The following EYS variants were observed in gnomAD, a reference collection of about 807,000 sequenced individuals.
EYS encodes the protein EGF-like photoreceptor maintenance factor.
A neutral mutation model predicts 282.1 loss-of-function variants in EYS; 250 were observed. The ratio of observed to expected loss-of-function variants is 0.89; its 90% confidence interval spans 0.80 to 0.98. The LOEUF (loss-of-function observed/expected upper bound fraction) is 0.98. EYS is among the 50% of genes least tolerant of loss of function. The probability of loss-of-function intolerance (pLI) is 0.00; values close to 1 mark genes in which losing one functional copy is unlikely to be tolerated. For missense variants in EYS, 4,016 were observed against 3,709.0 expected, an observed-to-expected ratio of 1.08 and a Z score of -2.15; for synonymous variants, 1,355 against 1,282.9, an observed-to-expected ratio of 1.06 and a Z score of -1.20.
intron 12 of EYS, among the ~76,000 whole-genome samples, chr6:65,202,261 T>A (rs593740): frequency 0.38 from 57,311 of 152,038 alleles, 11,763 homozygotes; most frequent in African/African-American, 0.54. Context: ...AATCGGGTAT[T>A]CTGTATATTG....
intron 4 of EYS, among the ~76,000 whole-genome samples, chr6:65,491,890 T>C (rs1292726638): frequency 6.6e-6 from 1 of 151,688 alleles, no homozygotes; most frequent in African/African-American, 2.4e-5. Flanking sequence ...ACTGGTGTGC[T>C]TTCAAGAGGA....
chr6:64,283,104 G>C (rs187075127), intron 30 of EYS, among the ~76,000 whole-genome samples: 1 of 152,222 alleles, frequency 6.6e-6, no homozygotes, highest in Admixed American at 6.5e-5. Flanking sequence ...CAGTGATAGT[G>C]TTACAGGAAT....
intron 35 of EYS, among the ~76,000 whole-genome samples, chr6:63,932,111 AC>A (rs1369854471): frequency 6.6e-5 from 10 of 152,214 alleles, no homozygotes; most frequent in African/African-American, 2.4e-4. Flanking sequence ...TGCTTATTTC[AC>A]TCAACAAAAT....
At chr6:64,759,682 A>G (rs1304233600) in intron 22 of EYS, among the ~76,000 whole-genome samples, 3 of 152,180 alleles carry the variant, frequency 2.0e-5, no homozygotes, top group African/African-American at 7.2e-5. Flanking sequence ...GGAGGATTTA[A>G]TCATCTAATA....
chr6:64,020,999 C>G (rs950736125), intron 33 of EYS, among the ~76,000 whole-genome samples: 1 of 152,004 alleles, frequency 6.6e-6, no homozygotes, highest in Admixed American at 6.5e-5. Flanking sequence ...AGGGGAAGAA[C>G]CAAGAAATGT....
At chr6:64,006,931 C>T (rs947425888) in intron 33 of EYS, among the ~76,000 whole-genome samples, 3 of 152,024 alleles carry the variant, frequency 2.0e-5, no homozygotes, top group South Asian at 2.1e-4. Flanking sequence ...TGATGTTCAT[C>T]GAAGATATTG....
intron 13 of EYS, among the ~76,000 whole-genome samples, chr6:64,999,150 A>G (rs541027967): frequency 6.6e-6 from 1 of 152,372 alleles, no homozygotes; most frequent in African/African-American, 2.4e-5. Flanking sequence ...AATAAAAATT[A>G]ATAAATGGAC....
intron 28 of EYS, among the ~76,000 whole-genome samples, chr6:64,412,992 AAG>A (rs1477538434): frequency 6.6e-6 from 1 of 152,148 alleles, no homozygotes; most frequent in Non-Finnish European, 1.5e-5. Flanking sequence ...ATACTAGTAG[AAG>A]AGAGCCAGCT....
At chr6:65,514,673 A>G (rs955108724) in intron 2 of EYS, among the ~76,000 whole-genome samples, 4 of 152,228 alleles carry the variant, frequency 2.6e-5, no homozygotes, top group Admixed American at 1.3e-4. Context: ...AAACCTGAGA[A>G]AAACAAGTGA....
chr6:65,110,725 A>G (rs1252550566), intron 12 of EYS, among the ~76,000 whole-genome samples: 1 of 152,036 alleles, frequency 6.6e-6, no homozygotes, highest in Non-Finnish European at 1.5e-5. Flanking sequence ...TGTGTTTGAC[A>G]TATAAGGTAC....
At chr6:65,621,200 A>T (rs1182592602) in intron 2 of EYS, among the ~76,000 whole-genome samples, 1 of 152,116 alleles carries the variant, frequency 6.6e-6, no homozygotes, top group African/African-American at 2.4e-5. Flanking sequence ...GTCTCTTTGT[A>T]GGTCGCTCAG....
At chr6:65,343,652 G>C (rs1295231833) in intron 10 of EYS, among the ~76,000 whole-genome samples, 1 of 150,998 alleles carries the variant, frequency 6.6e-6, no homozygotes, top group East Asian at 2.0e-4. Flanking sequence ...GCTCGTGTAA[G>C]AGATTAGAAA....
At chr6:64,412,991 G>A (rs555713528) in intron 28 of EYS, among the ~76,000 whole-genome samples, 4 of 152,136 alleles carry the variant, frequency 2.6e-5, no homozygotes, top group African/African-American at 9.7e-5. Flanking sequence ...GATACTAGTA[G>A]AAGAGAGCCA....
At chr6:63,825,671 A>G (rs1366954205) in intron 36 of EYS, among the ~76,000 whole-genome samples, 1 of 152,174 alleles carries the variant, frequency 6.6e-6, no homozygotes. Context: ...AGCTCACAGG[A>G]AGCCACATCC....
At chr6:65,271,055 TATC>T in intron 12 of EYS, among the ~76,000 whole-genome samples, 1 of 145,766 alleles carries the variant, frequency 6.9e-6, no homozygotes, top group African/African-American at 2.5e-5. Flanking sequence ...TTTAGGTACT[TATC>T]ATAACAACAT....
chr6:64,809,016 T>G (rs975968221), intron 22 of EYS, among the ~76,000 whole-genome samples: 1 of 152,110 alleles, frequency 6.6e-6, no homozygotes, highest in African/African-American at 2.4e-5. Flanking sequence ...TAGGCTTTCA[T>G]GGATGTTCCT....
At chr6:63,761,354 A>T (rs1249619937) in intron 41 of EYS, among the ~76,000 whole-genome samples, 1 of 151,990 alleles carries the variant, frequency 6.6e-6, no homozygotes, top group Non-Finnish European at 1.5e-5. Context: ...ACAAAACTTC[A>T]TCTCATTATT....
At chr6:64,594,017 A>G (rs1185168377) in intron 24 of EYS, among the ~76,000 whole-genome samples, 1 of 152,186 alleles carries the variant, frequency 6.6e-6, no homozygotes, top group Admixed American at 6.5e-5. Flanking sequence ...AAATACTAAT[A>G]CATGTCTATT....
chr6:64,481,263 G>GGT lies in EYS; in HGVS notation c.5645-41913_5645-41912dup, dbSNP rs202121150. Reference sequence around the variant, plus strand: ...GTATATATACATCTCTTATGTGTATGGTGTGTGTGTGTATATATATATATA... The same window carrying GGT: ...GTATATATACATCTCTTATGTGTATGGTGTGTGTGTGTGTATATATATATATA... On this transcript the variant is annotated intron_variant, in intron 26 of 42. Transcript: ENST00000503581. 1.1e-3 allele frequency among the ~76,000 whole-genome samples: 134 copies of GGT among 126,828 alleles called. 1 individual carries two copies. The highest frequency in any genetic ancestry group is 8.3e-3 in the Middle Eastern group (2 of 242). 83.2% of individuals were successfully genotyped at this position (126,828 alleles called of 152,430 possible). A position where few individuals can be genotyped will look rare whatever the true frequency, so the allele number is the denominator to read the frequency against.
Sources: gnomAD v4.1 joint callset for allele counts (sites outside exome capture counted in the v4.1 genomes callset) on GRCh38, gnomAD v4.1.1 for gene constraint, MANE v1.5 for transcripts, NCBI Gene and HGNC (gene_info 2026-07-23, HGNC 2026-07-21) for gene names.